The following SYNRG variants were observed in gnomAD, a reference collection of about 807,000 sequenced individuals.
SYNRG encodes synergin gamma, also known as AP1 gamma subunit binding protein 1.
A neutral mutation model predicts 130.9 loss-of-function variants in SYNRG; 37 were observed. The ratio of observed to expected loss-of-function variants is 0.28; its 90% CI spans 0.22 to 0.37. The LOEUF (loss-of-function observed/expected upper bound fraction) is 0.37. Ranked by LOEUF, SYNRG falls within the 10% of genes least tolerant of loss-of-function variation. The probability of loss-of-function intolerance (pLI) is 1.00; values close to 1 mark genes in which losing one functional copy is unlikely to be tolerated. For missense variants in SYNRG, 1,338 were observed against 1,588.9 expected, an observed-to-expected ratio of 0.84 and a Z score of 2.68; for synonymous variants, 539 against 568.1, an observed-to-expected ratio of 0.95 and a Z score of 0.73.
chr17:37,551,646 C>T (rs1035996750), intron 14 of SYNRG, among the ~76,000 whole-genome samples: 1 of 152,042 alleles, frequency 6.6e-6, no homozygotes, highest in African/African-American at 2.4e-5. Context: ...TATAGATTCA[C>T]TTTCAGAAAA....
rs376074232 is a variant in SYNRG at position 37,540,594 on chromosome 17, C to G, written c.3203-51G>C. On this transcript the variant is annotated intron_variant, in intron 15 of 21. Coordinates refer to ENST00000612223, the MANE Select transcript of SYNRG (RefSeq NM_007247.6). ...AAGGTTTTGGCTACTCACCTTAGTT[C>G]AGGCAGAGGCTCTTCCTCGCTACCA... 8 of 1,465,510 alleles carry G rather than the reference C, an allele frequency of 5.5e-6. No homozygotes were observed. The African/African-American group carries it at 1.1e-4, about 21-fold the overall frequency. 90.8% of individuals were successfully genotyped at this position (1,465,510 alleles called of 1,614,324 possible). A position where few individuals can be genotyped will look rare whatever the true frequency, so the allele number is the denominator to read the frequency against.
intron 20 of SYNRG, 59 bp from the exon 21 acceptor site, chr17:37,520,273 C>T: frequency 6.2e-7 from 1 of 1,605,050 alleles, no homozygotes; most frequent in Admixed American, 1.7e-5. Flanking sequence ...CTCTTGCCTC[C>T]AAACACATCT....
At chr17:37,594,308 A>G (rs1418919145) in intron 3 of SYNRG, among the ~76,000 whole-genome samples, 3 of 147,766 alleles carry the variant, frequency 2.0e-5, no homozygotes, top group African/African-American at 7.4e-5. Flanking sequence ...AATATTAATT[A>G]TTTTAATTAA....
intron 17 of SYNRG, 117 bp downstream of exon 17, chr17:37,539,074 AG>A (rs1241008136): frequency 1.3e-5 from 19 of 1,516,234 alleles, no homozygotes; most frequent in Non-Finnish European, 1.5e-5. Context: ...CTCTTTGCCC[AG>A]GGACATCCAA....
chr17:37,580,291 A>G (rs1249425105), intron 6 of SYNRG, among the ~76,000 whole-genome samples: 1 of 123,252 alleles, frequency 8.1e-6, no homozygotes, highest in Admixed American at 9.3e-5. Context: ...AAAATTACAA[A>G]AGAACTTTTT....
chr17:37,555,082 ATAAT>A (rs1295189057), intron 13 of SYNRG, among the ~76,000 whole-genome samples: 1 of 152,140 alleles, frequency 6.6e-6, no homozygotes, highest in African/African-American at 2.4e-5. Context: ...CTTCTCATAA[ATAAT>A]TAAACAGACT....
rs753915754 is a variant in SYNRG, at chr17:37,570,835, A to T, written c.1149T>A (p.Ala383=). 1 of 1,614,236 alleles carries T rather than the reference A, an allele frequency of 6.2e-7. No homozygotes were observed. Residue 383 remains alanine, a synonymous_variant, in exon 10 of 22, where the codon GCT becomes GCA. Coordinates refer to ENST00000612223, the MANE Select transcript of SYNRG (RefSeq NM_007247.6). ...SPDALNQFPA[A]PIPTLSGFSM... is the part of the protein sequence containing the mutation. ...AAAAGCCACTTAAAGTTGGAATAGG[A>T]GCTGCTGGGAACTGGTTTAAAGCAT...
intron 18 of SYNRG, 109 bp downstream of exon 18, chr17:37,538,215 T>C (rs1042063680): frequency 5.2e-6 from 4 of 765,160 alleles, no homozygotes; most frequent in Non-Finnish European, 8.4e-6. Context: ...AGATGCTTCT[T>C]ACTGAAGTCA....
At position 37,562,369 on chromosome 17, in the gene SYNRG, CATA is replaced by C. The variant is rs547662745; in HGVS notation, c.1482-783_1482-781del. Among the ~76,000 whole-genome samples the C allele has an allele frequency of 9.9e-5, 15 of 152,146 alleles. No individual in the cohort carries two copies. The South Asian group carries it at 1.4e-3, about 15-fold the overall frequency. On this transcript the variant is annotated intron_variant, in intron 11 of 21. Transcript: ENST00000612223. ...AGGTAATTCTTAGAAGGCTTAAACA[CATA>C]CTATAAAAGCATTACTTTTTCTTCT...
At chr17:37,552,936 T>C (rs973111623) in intron 14 of SYNRG, among the ~76,000 whole-genome samples, 179 bp downstream of exon 14, 5 of 152,236 alleles carry the variant, frequency 3.3e-5, no homozygotes, top group Non-Finnish European at 5.9e-5. Flanking sequence ...ATAGTATCCA[T>C]ATCAAGTATC....
chr17:37,605,978 G>A, intron 1 of SYNRG: 3 of 985,388 alleles, frequency 3.0e-6, no homozygotes, highest in Non-Finnish European at 3.6e-6. Context: ...CAGCACAAGT[G>A]AGAGACATCT....
At chr17:37,603,945 T>G (rs1203672411) in intron 1 of SYNRG, among the ~76,000 whole-genome samples, 2 of 152,120 alleles carry the variant, frequency 1.3e-5, no homozygotes, top group African/African-American at 4.8e-5. Flanking sequence ...CATCTTCACC[T>G]GCATTGAAAA....
At chr17:37,586,335 A>G (rs937397129) in intron 4 of SYNRG, 84 bp downstream of exon 4, 5 of 1,554,788 alleles carry the variant, frequency 3.2e-6, no homozygotes, top group Admixed American at 1.8e-5. Flanking sequence ...TTAGTTTCAA[A>G]TCTGCACTAG....
In SYNRG at chr17:37,571,820, T is replaced by C. The variant is rs773118863; in HGVS notation, c.1069A>G (p.Thr357Ala). 2.5e-6 allele frequency: 4 copies of C among 1,613,972 alleles called. No homozygotes were observed. In the Admixed American group the frequency reaches 6.7e-5, roughly 27 times the overall value. Residue 357 changes from threonine to alanine, a missense_variant, in exon 9 of 22, where the codon ACC (threonine) becomes GCC (alanine). By Grantham distance (58) the Thr-to-Ala change is moderately conservative. Around this residue, in one of 3 missense-constraint regions of SYNRG, gnomAD observed 1,146 missense variants for 1,342.3 expected, o/e 0.85. Transcript: ENST00000612223. ...GTTACCGCTATCATGGCTAGAACGGTATAAAGTTCTTCTTTTGTAAGTTTG... is the reference window on the plus strand; with the variant it reads ...GTTACCGCTATCATGGCTAGAACGGCATAAAGTTCTTCTTTTGTAAGTTTG... ...PGKLTKEELY[T>A]VLAMIAVTQR...
chr17:37,586,991 T>G (rs2061741400), intron 3 of SYNRG, among the ~76,000 whole-genome samples: 1 of 152,160 alleles, frequency 6.6e-6, no homozygotes, highest in African/African-American at 2.4e-5. Context: ...TTTTCCAATA[T>G]ATATGAGAGG....
chr17:37,579,221 T>C (rs968039233), intron 6 of SYNRG: 4 of 1,266,852 alleles, frequency 3.2e-6, no homozygotes, highest in Non-Finnish European at 4.1e-6. Context: ...CACTGGACTC[T>C]GACTTGGAGG....
rs2057829945 is a variant in SYNRG, at chr17:37,542,269, C to G, written c.2905G>C (p.Asp969His). The G allele has an allele frequency of 1.2e-6, 2 of 1,614,204 alleles. No individual in the cohort carries two copies. Among genetic ancestry groups the G allele is most frequent in the Non-Finnish European group, 8.5e-7 (1 of 1,180,036 alleles). ...TTFPALASFKDTIPQTSEQKE... is the reference protein window; with the variant it reads ...TTFPALASFKHTIPQTSEQKE... The stretch of plus-strand genomic sequence containing the variant: ...TGCTCACTGGTCTGAGGAATCGTGT[C>G]TTTAAAACTGGCAAGAGCTGGGAAG... The change falls in exon 15 of 22, where the codon GAC becomes CAC. Residue 969 changes from aspartate (D) to histidine (H), a missense_variant. By Grantham distance (81) the Asp-to-His change is moderately conservative. This residue lies in a region of SYNRG where 1,146 missense variants were observed against 1,342.3 expected (regional missense o/e 0.85). Coordinates refer to ENST00000612223, the MANE Select transcript of SYNRG (RefSeq NM_007247.6).
chr17:37,577,687 C>T lies in SYNRG; in HGVS notation c.590-74G>A, dbSNP rs563669860. 40 of 1,150,466 alleles carry T rather than the reference C, an allele frequency of 3.5e-5. No homozygotes were observed. The African/African-American group carries it at 5.1e-4, about 15-fold the overall frequency. The allele number at this position is 1,150,466 out of a possible 1,614,324, so 71.3% of individuals were successfully genotyped here. ...ATCTTTTTAACCATCCATCTCCACC[C>T]CCATATTCTTTTTTTTTTTTTTTTT... is the stretch of plus-strand genomic sequence containing the variant. On this transcript the variant is annotated intron_variant, in intron 6 of 21. Coordinates refer to ENST00000612223, the MANE Select transcript of SYNRG (RefSeq NM_007247.6).
intron 14 of SYNRG, 64 bp downstream of exon 14, chr17:37,553,051 C>A: frequency 6.7e-7 from 1 of 1,485,426 alleles, no homozygotes; most frequent in Non-Finnish European, 9.2e-7. Context: ...TGTAAATCAA[C>A]ACCCGCAGAA....
Sources: gnomAD v4.1 joint callset for allele counts (sites outside exome capture counted in the v4.1 genomes callset) on GRCh38, gnomAD v4.1.1 for gene constraint, gnomAD v4.1.1 regional missense constraint, MANE v1.5 for transcripts, NCBI Gene and HGNC (gene_info 2026-07-23, HGNC 2026-07-21) for gene names.